CTDSPL2: variants seen among roughly 807,000 people sequenced by gnomAD.
CTDSPL2 encodes CTD small phosphatase-like protein 2.
CTDSPL2 carries 5 observed loss-of-function variants against 60.0 expected under a neutral mutation model. That is an observed-to-expected ratio of 0.08 (90% CI 0.04 to 0.18). The LOEUF (loss-of-function observed/expected upper bound fraction) is 0.18, where lower values mean the gene tolerates loss of function less well. CTDSPL2 is among the 10% of genes least tolerant of loss of function. The pLI is 1.00. For missense variants in CTDSPL2, 370 were observed against 548.8 expected (o/e 0.67, Z 3.26); for synonymous variants, 186 against 189.3 (o/e 0.98, Z 0.14).
chr15:44,474,694 A>G (rs1375173232), intron 2 of CTDSPL2, among the ~76,000 whole-genome samples: 1 of 151,962 alleles, frequency 6.6e-6, no homozygotes, highest in Non-Finnish European at 1.5e-5. Flanking sequence ...CATCTCTACT[A>G]AAAATATAAA....
At position 44,496,468 on chromosome 15, in the gene CTDSPL2, T is replaced by A; in HGVS notation, c.770+10T>A. ...GGGAAGTATTTGACCCGTGAGTTGC[T>A]TTTTTCTCTTTTTTTCTTTCCTTTT... On this transcript the variant is annotated intron_variant, in intron 6 of 12. Transcript: ENST00000260327. 6.3e-7 allele frequency: 1 copy of A among 1,594,836 alleles called. No homozygotes were observed. Among genetic ancestry groups the A allele is most frequent in the Non-Finnish European group, 8.6e-7 (1 of 1,162,956 alleles).
chr15:44,454,601 G>T (rs2080396451), intron 1 of CTDSPL2, among the ~76,000 whole-genome samples: 3 of 152,188 alleles, frequency 2.0e-5, no homozygotes, highest in African/African-American at 7.2e-5. Flanking sequence ...ATTAATTTTA[G>T]TGTAAGGTGT....
At chr15:44,444,302 T>TACACACACACACACACACAC (rs59993417) in intron 1 of CTDSPL2, among the ~76,000 whole-genome samples, 6 of 136,196 alleles carry the variant, frequency 4.4e-5, no homozygotes, top group African/African-American at 1.7e-4. Flanking sequence ...GCTTTTCCCA[T>TACACACACACACACACACAC]ACACACACAC....
chr15:44,468,743 G>A (rs1284625979), intron 2 of CTDSPL2, among the ~76,000 whole-genome samples: 1 of 152,088 alleles, frequency 6.6e-6, no homozygotes, highest in East Asian at 1.9e-4. Context: ...CCTATCTTTG[G>A]TTTTGTGTTC....
At chr15:44,449,350 A>G (rs2080287042) in intron 1 of CTDSPL2, 1 of 158,808 alleles carries the variant, frequency 6.3e-6, no homozygotes, top group East Asian at 1.9e-4. Context: ...ACTTTCCTTC[A>G]GTGCCTGTTG....
At chr15:44,438,250 C>G (rs1192146846) in intron 1 of CTDSPL2, among the ~76,000 whole-genome samples, 1 of 142,824 alleles carries the variant, frequency 7.0e-6, no homozygotes, top group African/African-American at 2.6e-5. Flanking sequence ...GGTGACAGAG[C>G]GAGACTCCGT....
chr15:44,510,913 T>A (rs962207759), intron 8 of CTDSPL2, among the ~76,000 whole-genome samples: 10 of 152,192 alleles, frequency 6.6e-5, no homozygotes, highest in African/African-American at 2.4e-4. Context: ...ACGTAGTGCT[T>A]CTTGACTTAT....
At chr15:44,484,430 C>G in intron 3 of CTDSPL2, 68 bp downstream of exon 3, 1 of 1,462,498 alleles carries the variant, frequency 6.8e-7, no homozygotes, top group Non-Finnish European at 9.4e-7. Flanking sequence ...CATTTCTTAT[C>G]TATTTTTAAA....
intron 1 of CTDSPL2, among the ~76,000 whole-genome samples, chr15:44,430,016 A>T (rs1156852211): frequency 1.3e-5 from 2 of 152,244 alleles, no homozygotes; most frequent in Non-Finnish European, 2.9e-5. Flanking sequence ...TTGTGCATTT[A>T]ACTTGAGCTG....
intron 1 of CTDSPL2, among the ~76,000 whole-genome samples, chr15:44,440,737 G>A (rs1458237899): frequency 4.0e-5 from 6 of 151,656 alleles, no homozygotes; most frequent in Non-Finnish European, 8.8e-5. Context: ...CCTTTTTTGT[G>A]TGTCTTGCAA....
intron 2 of CTDSPL2, among the ~76,000 whole-genome samples, chr15:44,459,949 A>G (rs1431285564): frequency 1.3e-5 from 2 of 152,176 alleles, no homozygotes; most frequent in Non-Finnish European, 2.9e-5. Flanking sequence ...CTCCAGATTC[A>G]TATTCTGGAC....
At chr15:44,486,828 C>A (rs1335856465) in intron 4 of CTDSPL2, 128 bp downstream of exon 4, 57 of 611,154 alleles carry the variant, frequency 9.3e-5, no homozygotes, top group Non-Finnish European at 1.3e-4. Flanking sequence ...GTGACGCGAT[C>A]TCCCCGCTCA....
intron 10 of CTDSPL2, among the ~76,000 whole-genome samples, chr15:44,518,314 G>C (rs1368376702): frequency 6.6e-6 from 1 of 152,100 alleles, no homozygotes; most frequent in African/African-American, 2.4e-5. Context: ...AATGTTCAGA[G>C]ACTAGTATTT....
intron 2 of CTDSPL2, among the ~76,000 whole-genome samples, chr15:44,478,443 A>G (rs1259536974): frequency 8.1e-6 from 1 of 123,096 alleles, no homozygotes; most frequent in African/African-American, 3.1e-5. Context: ...GAAGAGCAAG[A>G]CTCTGTCTCA....
At chr15:44,446,970 G>T (rs1293912041) in intron 1 of CTDSPL2, among the ~76,000 whole-genome samples, 1 of 151,838 alleles carries the variant, frequency 6.6e-6, no homozygotes, top group Non-Finnish European at 1.5e-5. Context: ...GGCCAGGCTG[G>T]TCTCGAACTC....
At chr15:44,473,638 T>G (rs1018944182) in intron 2 of CTDSPL2, among the ~76,000 whole-genome samples, 1 of 152,222 alleles carries the variant, frequency 6.6e-6, no homozygotes, top group South Asian at 2.1e-4. Flanking sequence ...TTTTAGCTCT[T>G]TGATACATTT....
At chr15:44,508,766 C>G (rs1339235900) in intron 8 of CTDSPL2, among the ~76,000 whole-genome samples, 1 of 151,978 alleles carries the variant, frequency 6.6e-6, no homozygotes, top group Non-Finnish European at 1.5e-5. Context: ...ACTAAAAATA[C>G]AAAAAACTTA....
chr15:44,484,425 C>A (rs2081083394), intron 3 of CTDSPL2, 63 bp downstream of exon 3: 1 of 1,474,634 alleles, frequency 6.8e-7, no homozygotes, highest in Non-Finnish European at 9.4e-7. Flanking sequence ...TGACACATTT[C>A]TTATCTATTT....
chr15:44,503,139 C>T (rs187331081), intron 8 of CTDSPL2, among the ~76,000 whole-genome samples: 1 of 152,092 alleles, frequency 6.6e-6, no homozygotes, highest in Admixed American at 6.5e-5. Context: ...AAAGAACCGA[C>T]TTGTTAAACG....
Sources: gnomAD v4.1 joint callset for allele counts (sites outside exome capture counted in the v4.1 genomes callset) on GRCh38, gnomAD v4.1.1 for gene constraint, MANE v1.5 for transcripts, NCBI Gene and HGNC (gene_info 2026-07-23, HGNC 2026-07-21) for gene names.